Variants in RAB4A observed in about 807,000 individuals in gnomAD.
RAB4A encodes the protein ras-related protein Rab-4A.
In RAB4A, 20 loss-of-function variants were observed where a neutral mutation model predicts 34.5. The observed-to-expected ratio is 0.58, with a 90% CI of 0.41 to 0.84. RAB4A has a LOEUF of 0.84. RAB4A is among the 40% of genes least tolerant of loss of function. The pLI, the probability that RAB4A is intolerant of heterozygous loss-of-function variation, is 0.00. For missense variants in RAB4A, 228 were observed against 274.5 expected (o/e 0.83, Z 1.20); for synonymous variants, 102 against 100.0 (o/e 1.02, Z -0.12).
intron 1 of RAB4A, among the ~76,000 whole-genome samples, chr1:229,279,886 T>G (rs1480324571): frequency 6.6e-6 from 1 of 152,216 alleles, no homozygotes; most frequent in African/African-American, 2.4e-5. Context: ...GCCCTCAAGT[T>G]AACGTTCACT....
intron 3 of RAB4A, 109 bp downstream of exon 3, chr1:229,288,952 T>G: frequency 1.4e-6 from 1 of 691,692 alleles, no homozygotes; most frequent in African/African-American, 1.9e-5. Context: ...ACCCCTTCCT[T>G]GTCCTAATCT....
At chr1:229,286,328 G>A (rs962582389) in intron 1 of RAB4A, among the ~76,000 whole-genome samples, 158 bp from the exon 2 acceptor site, 2 of 152,128 alleles carry the variant, frequency 1.3e-5, no homozygotes, top group Non-Finnish European at 2.9e-5. Context: ...AATGTGAAAA[G>A]GTAAGTCAAC....
intron 2 of RAB4A, among the ~76,000 whole-genome samples, chr1:229,287,699 C>T (rs190009400): frequency 1.5e-3 from 230 of 152,218 alleles, no homozygotes; most frequent in African/African-American, 5.4e-3. Context: ...TGCATTTTTC[C>T]TGGTAGTTTA....
In RAB4A at chr1:229,282,095, A is replaced by G. The variant is rs548852958; in HGVS notation, c.32-4391A>G. Among the ~76,000 whole-genome samples the G allele has an allele frequency of 1.8e-4, 28 of 152,062 alleles. No homozygotes were observed. In the South Asian group the frequency reaches 3.9e-3, roughly 21 times the overall value. On this transcript the variant is annotated intron_variant, in intron 1 of 7. Transcript: ENST00000366690. ...TTTCTTCCTGTTTAGAGAAATTCCT[A>G]TAGCTATTCTTTTGCAGGCAGATGT...
chr1:229,285,483 G>A (rs1656899445), intron 1 of RAB4A, among the ~76,000 whole-genome samples: 1 of 152,166 alleles, frequency 6.6e-6, no homozygotes, highest in Admixed American at 6.5e-5. Flanking sequence ...CACACTCTTG[G>A]AGCTTAATTG....
At chr1:229,300,813 C>T (rs1371311054) in intron 6 of RAB4A, among the ~76,000 whole-genome samples, 1 of 152,004 alleles carries the variant, frequency 6.6e-6, no homozygotes, top group South Asian at 2.1e-4. Context: ...GCAATGTGAT[C>T]GTCCGGAGAA....
chr1:229,301,572 C>A (rs1326656307), intron 6 of RAB4A, among the ~76,000 whole-genome samples: 1 of 152,014 alleles, frequency 6.6e-6, no homozygotes, highest in Admixed American at 6.6e-5. Context: ...TATTGTATCC[C>A]TGAATGCATC....
intron 3 of RAB4A, among the ~76,000 whole-genome samples, chr1:229,292,676 CTCT>C (rs1390363388): frequency 1.3e-5 from 2 of 152,306 alleles, no homozygotes; most frequent in East Asian, 3.9e-4. Flanking sequence ...TTAAAAGTAG[CTCT>C]TCTTTGCCAA....
Position 229,288,727 on chromosome 1 carries a change from A to G in RAB4A, c.113-2A>G. 6.9e-7 allele frequency: 1 copy of G among 1,440,210 alleles called. No homozygotes were observed. The highest frequency in any genetic ancestry group is 9.6e-7 in the Non-Finnish European group (1 of 1,037,326). 89.2% of individuals were successfully genotyped at this position (1,440,210 alleles called of 1,614,324 possible). A position where few individuals can be genotyped will look rare whatever the true frequency, so the allele number is the denominator to read the frequency against. On this transcript the variant is annotated splice_acceptor_variant, in intron 2 of 7. Coordinates refer to ENST00000366690, the MANE Select transcript of RAB4A (RefSeq NM_004578.4). LOFTEE classifies it high-confidence loss of function. Reference sequence around the variant, plus strand: ...TATGCTGTTCTTGTTTTTCTTTTTTAGTCAAAGATGACTCAAATCATACAA... The same window carrying G: ...TATGCTGTTCTTGTTTTTCTTTTTTGGTCAAAGATGACTCAAATCATACAA...
intron 3 of RAB4A, among the ~76,000 whole-genome samples, chr1:229,293,759 C>T (rs1035418212): frequency 6.6e-6 from 1 of 151,886 alleles, no homozygotes; most frequent in Non-Finnish European, 1.5e-5. Context: ...AGGGGGTCCA[C>T]TGGATGGGGA....
intron 1 of RAB4A, among the ~76,000 whole-genome samples, chr1:229,274,682 A>C (rs1044600339): frequency 3.3e-5 from 5 of 152,246 alleles, no homozygotes; most frequent in African/African-American, 1.2e-4. Context: ...GAGACCTGGG[A>C]GATTACAAAT....
At chr1:229,279,302 G>A (rs369228379) in intron 1 of RAB4A, among the ~76,000 whole-genome samples, 1 of 152,206 alleles carries the variant, frequency 6.6e-6, no homozygotes, top group Admixed American at 6.5e-5. Context: ...AGAGGTCATC[G>A]TGTCTGCTGA....
intron 1 of RAB4A, among the ~76,000 whole-genome samples, chr1:229,281,395 G>T (rs1178099365): frequency 1.3e-5 from 2 of 151,952 alleles, no homozygotes; most frequent in Non-Finnish European, 2.9e-5. Context: ...GACCCTTTCT[G>T]TCTCTGGTTA....
intron 6 of RAB4A, among the ~76,000 whole-genome samples, chr1:229,300,772 T>C (rs1057018996): frequency 4.6e-5 from 7 of 151,916 alleles, no homozygotes; most frequent in Admixed American, 2.0e-4. Context: ...TTGGGAACCA[T>C]CAATATATAG....
intron 1 of RAB4A, among the ~76,000 whole-genome samples, chr1:229,284,639 T>C (rs565923084): frequency 3.3e-5 from 5 of 152,322 alleles, no homozygotes; most frequent in East Asian, 1.9e-4. Flanking sequence ...TTCTTTCTTA[T>C]TGCTTTTACA....
At chr1:229,288,407 C>T (rs1048602180) in intron 2 of RAB4A, among the ~76,000 whole-genome samples, 2 of 152,226 alleles carry the variant, frequency 1.3e-5, no homozygotes, top group Non-Finnish European at 1.5e-5. Context: ...GGTATGTCAG[C>T]AGTCACCATC....
At chr1:229,291,121 G>T (rs1452533175) in intron 3 of RAB4A, among the ~76,000 whole-genome samples, 2 of 152,188 alleles carry the variant, frequency 1.3e-5, no homozygotes, top group Admixed American at 1.3e-4. Context: ...GAAGCTAAAA[G>T]AAATGGAAGC....
Position 229,288,816 on chromosome 1 carries a change from G to A in RAB4A, c.200G>A (p.Trp67Ter). 1 of 1,578,156 alleles carries A rather than the reference G, an allele frequency of 6.3e-7. No individual in the cohort carries two copies. Among genetic ancestry groups the A allele is most frequent in the Non-Finnish European group, 8.7e-7 (1 of 1,150,376 alleles). ...VGGKYVKLQIWDTAGQERFRS... is the reference protein window; with the variant it reads ...VGGKYVKLQI The stretch of plus-strand genomic sequence containing the variant: ...GGTAAATATGTAAAGTTACAAATAT[G>A]GGATACAGCAGGACAAGAACGATTC... Residue 67 changes from tryptophan to a stop codon, truncating the protein, a stop_gained, in exon 3 of 8, where the codon TGG becomes TAG. Transcript: ENST00000366690. LOFTEE classifies it high-confidence loss of function.
chr1:229,284,572 G>A (rs949499617), intron 1 of RAB4A, among the ~76,000 whole-genome samples: 7 of 152,104 alleles, frequency 4.6e-5, no homozygotes, highest in Non-Finnish European at 8.8e-5. Context: ...ATAGTACCCC[G>A]TTGCTTTCGG....
Sources: allele counts gnomAD v4.1 joint callset (sites outside exome capture counted in the v4.1 genomes callset), GRCh38; gene constraint gnomAD v4.1.1; transcripts MANE v1.5; gene names NCBI Gene and HGNC (gene_info 2026-07-23, HGNC 2026-07-21).